Variants in TRPC6 observed in about 807,000 individuals in gnomAD.
TRPC6 encodes the protein transient receptor potential cation channel subfamily C member 6.
A neutral mutation model predicts 90.7 loss-of-function variants in TRPC6; 55 were observed. The observed-to-expected ratio is 0.61, with a 90% CI of 0.49 to 0.76. TRPC6 has a LOEUF of 0.76. Ranked by LOEUF, TRPC6 falls within the 30% of genes least tolerant of loss-of-function variation. TRPC6 has a pLI of 0.00. For synonymous variants in TRPC6, 393 were observed against 393.0 expected, an observed-to-expected ratio of 1.00 and a Z score of 0.00; for missense variants, 989 against 1,122.7, an observed-to-expected ratio of 0.88 and a Z score of 1.70.
In TRPC6 at chr11:101,564,949, C is replaced by G. The variant is rs575398237; in HGVS notation, c.170+18385G>C. ...GGTTAAATAATTTTCAACAAGGGTA[C>G]AAAGAAGACACAATGGAAGAAAAGA... On this transcript the variant is annotated intron_variant, in intron 1 of 12. Transcript: ENST00000344327. Among the ~76,000 whole-genome samples, 92 of 151,910 alleles carry G rather than the reference C, an allele frequency of 6.1e-4. No homozygotes were observed. In the Middle Eastern group the frequency reaches 0.02, roughly 34 times the overall value.
At position 101,504,139 on chromosome 11, in the gene TRPC6, T is replaced by A; in HGVS notation, c.830A>T (p.Tyr277Phe). The part of the protein sequence containing the change: ...FSHSRSRINA[Y>F]KGLASPAYLS... Reference sequence around the variant, plus strand: ...GTAAGCCGGACTTGCCAGGCCTTTATAGGCATTAATCCTAGATCTGGAGTG... The same window carrying A: ...GTAAGCCGGACTTGCCAGGCCTTTAAAGGCATTAATCCTAGATCTGGAGTG... The change falls in exon 2 of 13, where the codon TAT becomes TTT. Residue 277 changes from tyrosine to phenylalanine, a missense_variant. Coordinates refer to ENST00000344327, the MANE Select transcript of TRPC6 (RefSeq NM_004621.6). The A allele has an allele frequency of 6.2e-7, 1 of 1,614,162 alleles. No homozygotes were observed. The highest frequency in any genetic ancestry group is 1.1e-5 in the South Asian group (1 of 91,078).
intron 1 of TRPC6, among the ~76,000 whole-genome samples, chr11:101,532,937 C>T (rs1212632792): frequency 6.6e-6 from 1 of 152,146 alleles, no homozygotes. Context: ...AGCCAGCAGC[C>T]ACTCTGAGCT....
chr11:101,455,180 G>A (rs902355443), intron 10 of TRPC6, 79 bp from the exon 11 acceptor site: 1 of 1,118,676 alleles, frequency 8.9e-7, no homozygotes, highest in Non-Finnish European at 1.3e-6. Flanking sequence ...GTTATCTAAT[G>A]AACTAATAGT....
intron 1 of TRPC6, among the ~76,000 whole-genome samples, chr11:101,529,431 C>T (rs1331371791): frequency 2.0e-5 from 3 of 152,198 alleles, no homozygotes; most frequent in Non-Finnish European, 2.9e-5. Flanking sequence ...GATAAAAGCA[C>T]GAGCGTGCAC....
intron 2 of TRPC6, among the ~76,000 whole-genome samples, chr11:101,503,648 T>C (rs1470323705): frequency 6.6e-6 from 1 of 152,208 alleles, no homozygotes; most frequent in Non-Finnish European, 1.5e-5. Context: ...GGAAAAAGCC[T>C]GGGCTTTTCA....
chr11:101,497,791 T>C (rs1435781359), intron 2 of TRPC6, among the ~76,000 whole-genome samples: 3 of 152,166 alleles, frequency 2.0e-5, no homozygotes, highest in African/African-American at 7.2e-5. Context: ...GCTGCACCTG[T>C]CCACCTGTCA....
At chr11:101,527,801 CA>C (rs1860812926) in intron 1 of TRPC6, among the ~76,000 whole-genome samples, 1 of 152,092 alleles carries the variant, frequency 6.6e-6, no homozygotes, top group African/African-American at 2.4e-5. Context: ...CAGCCAGGCA[CA>C]GTGGCTCACA....
In TRPC6 at chr11:101,469,500, A is replaced by G. The variant is rs1268795884; in HGVS notation, c.2411T>C (p.Ile804Thr). The G allele has an allele frequency of 1.3e-6, 1 of 759,828 alleles. No individual in the cohort carries two copies. The highest frequency in any genetic ancestry group is 2.5e-6 in the Non-Finnish European group (1 of 406,352). 47.1% of individuals were successfully genotyped at this position (759,828 alleles called of 1,614,324 possible). A position where few individuals can be genotyped will look rare whatever the true frequency, so the allele number is the denominator to read the frequency against. Residue 804 changes from isoleucine to threonine, a missense_variant and splice_region_variant, in exon 10 of 13, where the codon ATA becomes ACA. Physicochemically the swap from Ile to Thr is moderately conservative, Grantham distance 89. Coordinates refer to ENST00000344327, the MANE Select transcript of TRPC6 (RefSeq NM_004621.6). Reference sequence around the variant, plus strand: ...AATTCCAAGTTTCTTTTCTTCATTTATCTTTTAAAGATAGATAGTAAAATG... The same window carrying G: ...AATTCCAAGTTTCTTTTCTTCATTTGTCTTTTAAAGATAGATAGTAAAATG... ...GFQEDAEMNK[I>T]NEEKKLGILG...
chr11:101,563,146 C>A (rs7116242), intron 1 of TRPC6, among the ~76,000 whole-genome samples: 3,996 of 152,258 alleles, frequency 0.026, 104 homozygotes, highest in African/African-American at 0.06. Context: ...GTTTCGAGTG[C>A]TCAATACCGG....
intron 7 of TRPC6, 91 bp from the exon 8 acceptor site, chr11:101,472,423 G>A: frequency 1.6e-6 from 2 of 1,241,586 alleles, no homozygotes; most frequent in Non-Finnish European, 2.2e-6. Context: ...TTTAGTGTCT[G>A]CAAATTAGTG....
chr11:101,546,600 A>T lies in TRPC6; in HGVS notation c.170+36734T>A, dbSNP rs552508649. 1.1e-3 allele frequency among the ~76,000 whole-genome samples: 171 copies of T among 152,296 alleles called. 7 individuals carry two copies. Among genetic ancestry groups the T allele is most frequent in the Non-Finnish European group, 2.6e-4 (18 of 68,004 alleles). On this transcript the variant is annotated intron_variant, in intron 1 of 12. Coordinates refer to ENST00000344327, the MANE Select transcript of TRPC6 (RefSeq NM_004621.6). ...AGCCTTTCTGAGCTTTGGCTTTTTC[A>T]TGTACAAGGTGGGAATTGTAATACT...
chr11:101,504,366 G>A lies in TRPC6; in HGVS notation c.603C>T (p.Leu201=). 1.9e-6 allele frequency: 3 copies of A among 1,614,062 alleles called. No homozygotes were observed. Among genetic ancestry groups the A allele is most frequent in the Non-Finnish European group, 2.5e-6 (3 of 1,180,008 alleles). ...RLATSPSQSE[L]QQDDFYAYDE... is the part of the protein sequence containing the mutation. Reference sequence around the variant, plus strand: ...CATAGGCATAAAAATCATCTTGCTGGAGTTCAGACTGGCTAGGGCTGGTTG... The same window carrying A: ...CATAGGCATAAAAATCATCTTGCTGAAGTTCAGACTGGCTAGGGCTGGTTG... Residue 201 remains leucine, a synonymous_variant, in exon 2 of 13, where the codon CTC becomes CTT. Transcript: ENST00000344327.
intron 1 of TRPC6, among the ~76,000 whole-genome samples, chr11:101,512,391 T>C (rs909450306): frequency 3.7e-4 from 56 of 152,194 alleles, no homozygotes; most frequent in African/African-American, 1.4e-3. Context: ...ATCATTTCAT[T>C]TGTATCATCA....
At chr11:101,471,555 C>G (rs1859292747) in intron 8 of TRPC6, among the ~76,000 whole-genome samples, 169 bp from the exon 9 acceptor site, 1 of 152,194 alleles carries the variant, frequency 6.6e-6, no homozygotes, top group African/African-American at 2.4e-5. Flanking sequence ...CATATTCTTT[C>G]TTAAATTTGT....
At chr11:101,495,191 GAA>G (rs980553722) in intron 2 of TRPC6, among the ~76,000 whole-genome samples, 1 of 152,192 alleles carries the variant, frequency 6.6e-6, no homozygotes, top group African/African-American at 2.4e-5. Context: ...GTGGGCTAAT[GAA>G]ACACAGTTTA....
intron 1 of TRPC6, among the ~76,000 whole-genome samples, chr11:101,532,016 G>C (rs1461397901): frequency 6.6e-6 from 1 of 152,186 alleles, no homozygotes; most frequent in African/African-American, 2.4e-5. Flanking sequence ...GGCACAGTTA[G>C]ATGGACAGGG....
intron 2 of TRPC6, among the ~76,000 whole-genome samples, chr11:101,501,294 C>T (rs1860118150): frequency 6.6e-6 from 1 of 151,374 alleles, no homozygotes; most frequent in Non-Finnish European, 1.5e-5. Flanking sequence ...AGGATATGTG[C>T]TAGCATGTTG....
At chr11:101,487,158 A>G (rs1859695607) in intron 4 of TRPC6, among the ~76,000 whole-genome samples, 1 of 152,126 alleles carries the variant, frequency 6.6e-6, no homozygotes, top group African/African-American at 2.4e-5. Flanking sequence ...TCTGGAATAC[A>G]TTATGCTTTC....
chr11:101,573,040 C>T (rs1446311312), intron 1 of TRPC6, among the ~76,000 whole-genome samples: 1 of 151,616 alleles, frequency 6.6e-6, no homozygotes, highest in East Asian at 1.9e-4. Flanking sequence ...ACCTAAGCTC[C>T]AAGAATATAA....
Sources: allele counts gnomAD v4.1 joint callset (sites outside exome capture counted in the v4.1 genomes callset), GRCh38; gene constraint gnomAD v4.1.1; transcripts MANE v1.5; gene names NCBI Gene and HGNC (gene_info 2026-07-23, HGNC 2026-07-21).